Variants in ARHGAP20 observed in about 807,000 individuals in gnomAD.
ARHGAP20 encodes the protein rho GTPase-activating protein 20.
Under a neutral mutation model 73.7 loss-of-function variants are expected in ARHGAP20, and 34 were observed. The observed-to-expected ratio is 0.46, with a 90% CI of 0.35 to 0.61. The LOEUF (loss-of-function observed/expected upper bound fraction) is 0.61, where lower values mean the gene tolerates loss of function less well. Among genes scored for constraint, ARHGAP20 ranks in the 20% least tolerant of loss-of-function variants. The pLI is 0.00. For missense variants in ARHGAP20, 1,314 were observed against 1,420.9 expected, an observed-to-expected ratio of 0.92 and a Z score of 1.21; for synonymous variants, 523 against 518.2, an observed-to-expected ratio of 1.01 and a Z score of -0.13.
chr11:110,607,173 C>T (rs755661141), intron 8 of ARHGAP20, among the ~76,000 whole-genome samples: 3 of 152,136 alleles, frequency 2.0e-5, no homozygotes, highest in Non-Finnish European at 4.4e-5. Context: ...TTTCTACCTA[C>T]CACAGAAGTA....
chr11:110,583,534 A>C lies in ARHGAP20; in HGVS notation c.1605+14T>G. On this transcript the variant is annotated intron_variant, in intron 13 of 14. Transcript: ENST00000683387. ...CTCAGTCTCCCAGGGCATAAAAATG[A>C]AAAACTTCATTACCTTTTTTGTAAA... 6.3e-7 allele frequency: 1 copy of C among 1,577,484 alleles called. No individual in the cohort carries two copies. Among genetic ancestry groups the C allele is most frequent in the South Asian group, 1.2e-5 (1 of 85,670 alleles).
At chr11:110,608,035 T>C (rs1948275169) in intron 8 of ARHGAP20, among the ~76,000 whole-genome samples, 1 of 152,232 alleles carries the variant, frequency 6.6e-6, no homozygotes. Flanking sequence ...GCATGATCAC[T>C]TTCTGTATTC....
intron 2 of ARHGAP20, among the ~76,000 whole-genome samples, chr11:110,658,771 T>C (rs1311755079): frequency 6.8e-6 from 1 of 146,262 alleles, no homozygotes; most frequent in African/African-American, 2.6e-5. Flanking sequence ...ACTCAGGTTG[T>C]TGTTATTTAT....
At chr11:110,682,114 C>T (rs1950048263) in intron 2 of ARHGAP20, among the ~76,000 whole-genome samples, 2 of 152,134 alleles carry the variant, frequency 1.3e-5, no homozygotes. Flanking sequence ...AATTGTCTTG[C>T]TAAAATAAAT....
chr11:110,688,515 A>C (rs1565478508), intron 2 of ARHGAP20, among the ~76,000 whole-genome samples: 1 of 152,192 alleles, frequency 6.6e-6, no homozygotes, highest in African/African-American at 2.4e-5. Context: ...ACTTAGTTAA[A>C]AAATAAACAA....
chr11:110,671,041 A>C (rs1949817269), intron 2 of ARHGAP20, among the ~76,000 whole-genome samples: 1 of 152,142 alleles, frequency 6.6e-6, no homozygotes, highest in South Asian at 2.1e-4. Flanking sequence ...CGATAATGTA[A>C]TATTGGTTTA....
chr11:110,632,011 T>C (rs145486418), intron 2 of ARHGAP20, among the ~76,000 whole-genome samples: 2 of 152,376 alleles, frequency 1.3e-5, no homozygotes, highest in East Asian at 3.9e-4. Flanking sequence ...TTCATGTTAT[T>C]ACATTTATCA....
intron 12 of ARHGAP20, among the ~76,000 whole-genome samples, chr11:110,585,064 T>A (rs1218693858): frequency 1.3e-5 from 2 of 149,562 alleles, no homozygotes; most frequent in African/African-American, 2.4e-5. Context: ...TGAATATATG[T>A]GAACATATAT....
rs555630617 is a variant in ARHGAP20 at position 110,597,048 on chromosome 11, T to C, written c.965-4893A>G. On this transcript the variant is annotated intron_variant, in intron 9 of 14. Coordinates refer to ENST00000683387, the MANE Select transcript of ARHGAP20 (RefSeq NM_001384657.1). Reference sequence around the variant, plus strand: ...CAGCAAACTATCGCCAGGACAAAAATCAAACACCGCATGTTCTCACTCATA... The same window carrying C: ...CAGCAAACTATCGCCAGGACAAAAACCAAACACCGCATGTTCTCACTCATA... 8.9e-5 allele frequency among the ~76,000 whole-genome samples: 13 copies of C among 145,280 alleles called. No homozygotes were observed. The East Asian group carries it at 1.8e-3, about 20-fold the overall frequency.
At chr11:110,685,118 T>C (rs1950106804) in intron 2 of ARHGAP20, among the ~76,000 whole-genome samples, 1 of 152,140 alleles carries the variant, frequency 6.6e-6, no homozygotes. Flanking sequence ...AAAATTAAGA[T>C]CATATTGGAA....
At chr11:110,586,415 T>A (rs1272979799) in intron 11 of ARHGAP20, 90 bp from the exon 12 acceptor site, 5 of 710,578 alleles carry the variant, frequency 7.0e-6, no homozygotes, top group Non-Finnish European at 1.1e-5. Context: ...GTTGAAAAGT[T>A]CCCTTACGTA....
intron 2 of ARHGAP20, among the ~76,000 whole-genome samples, chr11:110,675,873 A>G (rs1331049121): frequency 6.6e-6 from 1 of 152,184 alleles, no homozygotes; most frequent in Non-Finnish European, 1.5e-5. Flanking sequence ...TATAACACTT[A>G]TAGTCTATTC....
At chr11:110,631,986 T>C (rs11213505) in intron 2 of ARHGAP20, among the ~76,000 whole-genome samples, 1 of 152,214 alleles carries the variant, frequency 6.6e-6, no homozygotes, top group Non-Finnish European at 1.5e-5. Flanking sequence ...TTCCTCATCA[T>C]ATTTTTGGAA....
chr11:110,648,437 G>A (rs1050842352), intron 2 of ARHGAP20, among the ~76,000 whole-genome samples: 1 of 149,754 alleles, frequency 6.7e-6, no homozygotes, highest in Non-Finnish European at 1.5e-5. Flanking sequence ...CAGTAATTAT[G>A]ATTAGGGACA....
chr11:110,699,292 T>C (rs1398103236), intron 1 of ARHGAP20, among the ~76,000 whole-genome samples: 1 of 151,898 alleles, frequency 6.6e-6, no homozygotes, highest in Non-Finnish European at 1.5e-5. Context: ...TTTTGATTTT[T>C]TGGAATTTAT....
At chr11:110,657,369 A>C (rs1457667691) in intron 2 of ARHGAP20, among the ~76,000 whole-genome samples, 2 of 152,136 alleles carry the variant, frequency 1.3e-5, no homozygotes, top group African/African-American at 4.8e-5. Context: ...CAGAAACCTA[A>C]AGAAATGATT....
chr11:110,652,842 A>C (rs1158303863), intron 2 of ARHGAP20, among the ~76,000 whole-genome samples: 1 of 152,100 alleles, frequency 6.6e-6, no homozygotes, highest in Non-Finnish European at 1.5e-5. Flanking sequence ...ATAGTAACCA[A>C]AACAGTATGG....
At chr11:110,711,266 C>T (rs1257928509) in intron 1 of ARHGAP20, among the ~76,000 whole-genome samples, 1 of 152,158 alleles carries the variant, frequency 6.6e-6, no homozygotes, top group African/African-American at 2.4e-5. Context: ...GCATCCCTCT[C>T]CCAGCTTTGA....
rs1319096011 is a variant in ARHGAP20, at chr11:110,578,190, T to A, written c.*1180A>T. On this transcript the variant is annotated 3_prime_UTR_variant, in exon 15 of 15. Transcript: ENST00000683387. ...GGATATAAAATAAACCAATGGGGTA[T>A]AAGCCATGAAACATTTGGGGCAAAA... is the stretch of plus-strand genomic sequence containing the variant. 1 of 985,296 alleles carries A rather than the reference T, an allele frequency of 1.0e-6. No individual in the cohort carries two copies. Among genetic ancestry groups the A allele is most frequent in the Non-Finnish European group, 1.2e-6 (1 of 829,944 alleles). The allele number at this position is 985,296 out of a possible 1,614,324, so 61.0% of individuals were successfully genotyped here. A position where few individuals can be genotyped will look rare whatever the true frequency, so the allele number is the denominator to read the frequency against.
Sources: gnomAD v4.1 joint callset for allele counts (sites outside exome capture counted in the v4.1 genomes callset) on GRCh38, gnomAD v4.1.1 for gene constraint, MANE v1.5 for transcripts, NCBI Gene and HGNC (gene_info 2026-07-23, HGNC 2026-07-21) for gene names.